BMP6: variants seen among roughly 807,000 people sequenced by gnomAD.
BMP6 encodes the protein VG-1-R.
Under a neutral mutation model 54.1 loss-of-function variants are expected in BMP6, and 17 were observed. The ratio of observed to expected loss-of-function variants is 0.31; its 90% CI spans 0.22 to 0.47. BMP6 has a LOEUF of 0.47. Ranked by LOEUF, BMP6 falls within the 20% of genes least tolerant of loss-of-function variation. BMP6 has a pLI of 1.00. For missense variants in BMP6, 720 were observed against 690.4 expected (o/e 1.04, Z -0.48); for synonymous variants, 328 against 291.2 (o/e 1.13, Z -1.28).
Position 7,727,428 on chromosome 6 carries a change from A to G in BMP6, c.473A>G (p.Gln158Arg). 6.2e-7 allele frequency: 1 copy of G among 1,606,356 alleles called. No individual in the cohort carries two copies. The highest frequency in any genetic ancestry group is 8.5e-7 in the Non-Finnish European group (1 of 1,177,798). Reference sequence around the variant, plus strand: ...GACGGGGCGTCGGAGGGGGAGAGGCAGCAGTCCTGGCCCCACGAAGCAGCC... The same window carrying G: ...GACGGGGCGTCGGAGGGGGAGAGGCGGCAGTCCTGGCCCCACGAAGCAGCC... ...DEDGASEGERQQSWPHEAASS... is the reference protein window; with the variant it reads ...DEDGASEGERRQSWPHEAASS... The change falls in exon 1 of 7, where the codon CAG becomes CGG. Residue 158 changes from glutamine (Q) to arginine (R), a missense_variant. Coordinates refer to ENST00000283147, the MANE Select transcript of BMP6 (RefSeq NM_001718.6).
intron 1 of BMP6, among the ~76,000 whole-genome samples, chr6:7,804,702 TA>T (rs1476423134): frequency 1.3e-5 from 2 of 152,224 alleles, no homozygotes; most frequent in Non-Finnish European, 2.9e-5. Flanking sequence ...AATACACAGA[TA>T]AAAATATGCT....
At position 7,880,906 on chromosome 6, in the gene BMP6, G is replaced by C. The variant is rs1432003953; in HGVS notation, c.*563G>C. ...CGCCCTTGTCTCAGTCATTGCTGTT[G>C]TATGTTCGTGCTGGAGTTTTGTTGG... On this transcript the variant is annotated 3_prime_UTR_variant, in exon 7 of 7. Coordinates refer to ENST00000283147, the MANE Select transcript of BMP6 (RefSeq NM_001718.6). 1 of 154,962 alleles carries C rather than the reference G, an allele frequency of 6.5e-6. No homozygotes were observed. The highest frequency in any genetic ancestry group is 1.4e-5 in the Non-Finnish European group (1 of 69,702). 9.6% of individuals were successfully genotyped at this position (154,962 alleles called of 1,614,324 possible).
At chr6:7,775,459 A>G (rs970807553) in intron 1 of BMP6, among the ~76,000 whole-genome samples, 17 of 152,210 alleles carry the variant, frequency 1.1e-4, no homozygotes, top group African/African-American at 3.9e-4. Context: ...TTAAAAAAGA[A>G]TCTCCTGCAT....
chr6:7,820,787 G>A (rs1014458810), intron 1 of BMP6, among the ~76,000 whole-genome samples: 1 of 152,198 alleles, frequency 6.6e-6, no homozygotes, highest in African/African-American at 2.4e-5. Flanking sequence ...TTTTGTAGAA[G>A]ATCATTTTTC....
rs201017875 is a variant in BMP6, at chr6:7,879,089, A to G, written c.1220A>G (p.Glu407Gly). ...VSSASDYNSS[E>G]LKTACRKHEL... is the part of the protein sequence containing the mutation. The stretch of plus-strand genomic sequence containing the variant: ...CCTCCAACAGATTACAACAGCAGTG[A>G]ATTGAAAACAGCCTGCAGGAAGCAT... Residue 407 changes from glutamate to glycine, a missense_variant, in exon 5 of 7, where the codon GAA becomes GGA. Around this residue, in one of 3 missense-constraint regions of BMP6, gnomAD observed 27 missense variants for 80.1 expected, o/e 0.34. Transcript: ENST00000283147. 1 of 1,614,186 alleles carries G rather than the reference A, an allele frequency of 6.2e-7. No individual in the cohort carries two copies. The highest frequency in any genetic ancestry group is 2.2e-5 in the East Asian group (1 of 44,894).
At chr6:7,729,082 G>A (rs919447796) in intron 1 of BMP6, among the ~76,000 whole-genome samples, 8 of 152,294 alleles carry the variant, frequency 5.3e-5, no homozygotes, top group Middle Eastern at 3.4e-3. Context: ...CTGGCTGCTT[G>A]CACTGCCCGG....
chr6:7,828,259 T>A lies in BMP6; in HGVS notation c.665-16881T>A, dbSNP rs148616731. On this transcript the variant is annotated intron_variant, in intron 1 of 6. Transcript: ENST00000283147. ...TGGTTGCCCCAGAAAAGGAAAGATA[T>A]TCTCCAAGAACAGTCCTGGGAGAAG... Among the ~76,000 whole-genome samples the A allele has an allele frequency of 2.2e-4, 33 of 152,326 alleles. No individual in the cohort carries two copies. The East Asian group carries it at 6.4e-3, about 29-fold the overall frequency.
chr6:7,777,292 C>CT (rs1757875919), intron 1 of BMP6, among the ~76,000 whole-genome samples: 1 of 152,192 alleles, frequency 6.6e-6, no homozygotes, highest in Non-Finnish European at 1.5e-5. Context: ...AGCTGCCAGA[C>CT]CTTAACAGAC....
intron 1 of BMP6, among the ~76,000 whole-genome samples, chr6:7,839,676 G>A (rs1758934696): frequency 6.6e-6 from 1 of 152,148 alleles, no homozygotes; most frequent in South Asian, 2.1e-4. Context: ...TCCATCATAG[G>A]TCTGTACCAC....
intron 1 of BMP6, among the ~76,000 whole-genome samples, chr6:7,824,594 G>A (rs1201476401): frequency 2.0e-5 from 3 of 152,230 alleles, no homozygotes; most frequent in Non-Finnish European, 4.4e-5. Context: ...CCTGTTTCAT[G>A]TGCAAATGTG....
intron 1 of BMP6, among the ~76,000 whole-genome samples, chr6:7,778,471 A>G (rs1355296503): frequency 1.3e-5 from 2 of 151,754 alleles, no homozygotes; most frequent in African/African-American, 4.8e-5. Flanking sequence ...CAGAGTCCAC[A>G]TGTGTTGTGT....
chr6:7,835,878 C>A (rs936789425), intron 1 of BMP6, among the ~76,000 whole-genome samples: 2 of 151,944 alleles, frequency 1.3e-5, no homozygotes, highest in African/African-American at 4.8e-5. Flanking sequence ...GCTCTGTCAC[C>A]CAGGCTGGAG....
intron 2 of BMP6, among the ~76,000 whole-genome samples, chr6:7,849,855 G>A (rs1759117644): frequency 6.6e-6 from 1 of 152,152 alleles, no homozygotes; most frequent in African/African-American, 2.4e-5. Context: ...GGCAGTGATG[G>A]TCTATATTCT....
At chr6:7,809,327 G>C (rs1758402311) in intron 1 of BMP6, among the ~76,000 whole-genome samples, 2 of 152,188 alleles carry the variant, frequency 1.3e-5, no homozygotes, top group Non-Finnish European at 2.9e-5. Context: ...TGCTGTTCAA[G>C]GGGTTAATGG....
At chr6:7,872,269 T>C (rs888972567) in intron 4 of BMP6, among the ~76,000 whole-genome samples, 1 of 148,156 alleles carries the variant, frequency 6.7e-6, no homozygotes, top group African/African-American at 2.5e-5. Context: ...GTTTTTTCTG[T>C]AATCTGTAAT....
intron 1 of BMP6, among the ~76,000 whole-genome samples, chr6:7,812,770 G>A (rs1448120044): frequency 4.6e-5 from 7 of 152,128 alleles, no homozygotes; most frequent in South Asian, 2.1e-4. Context: ...TGCCTGTGGT[G>A]TATTTTCAAC....
At chr6:7,771,820 A>C (rs270389) in intron 1 of BMP6, among the ~76,000 whole-genome samples, 106,542 of 151,812 alleles carry the variant, frequency 0.7, 39,578 homozygotes, top group Non-Finnish European at 0.84. Context: ...TGGGAGGCCG[A>C]GGCGGGTGGA....
rs371737079 is a variant in BMP6 at position 7,867,300 on chromosome 6, T to C, written c.1204+4802T>C. 2.6e-4 allele frequency among the ~76,000 whole-genome samples: 39 copies of C among 152,354 alleles called. No individual in the cohort carries two copies. The Middle Eastern group carries it at 0.014, about 53-fold the overall frequency. ...TCCTGACCTTCTTCTTGATAGTTTA[T>C]ATTTTCTGTCCTTTAAGCTTCCCGG... On this transcript the variant is annotated intron_variant, in intron 4 of 6. Coordinates refer to ENST00000283147, the MANE Select transcript of BMP6 (RefSeq NM_001718.6).
chr6:7,781,889 C>G (rs1253337184), intron 1 of BMP6, among the ~76,000 whole-genome samples: 6 of 151,422 alleles, frequency 4.0e-5, no homozygotes, highest in African/African-American at 1.5e-4. Flanking sequence ...AGGCCATATT[C>G]AGGGTCTCCA....
Sources: gnomAD v4.1 joint callset for allele counts (sites outside exome capture counted in the v4.1 genomes callset) on GRCh38, gnomAD v4.1.1 for gene constraint, gnomAD v4.1.1 regional missense constraint, MANE v1.5 for transcripts, NCBI Gene and HGNC (gene_info 2026-07-23, HGNC 2026-07-21) for gene names.